The following PRMT8 variants were observed in gnomAD, a reference collection of about 807,000 sequenced individuals.
PRMT8 encodes the protein protein arginine methyltransferase 8, also known as protein arginine N-methyltransferase 8.
A neutral mutation model predicts 47.1 loss-of-function variants in PRMT8; 7 were observed. That is an observed-to-expected ratio of 0.15 (90% confidence interval 0.08 to 0.28). PRMT8 has a LOEUF of 0.28. Among genes scored for constraint, PRMT8 ranks in the 10% least tolerant of loss-of-function variants. The pLI, the probability that PRMT8 is intolerant of heterozygous loss-of-function variation, is 1.00. For missense variants in PRMT8, 237 were observed against 505.4 expected (o/e 0.47, Z 5.09); for synonymous variants, 188 against 186.5 (o/e 1.01, Z -0.07).
At chr12:3,445,095 G>A (rs2137076332) in intron 1 of PRMT8, among the ~76,000 whole-genome samples, 1 of 152,384 alleles carries the variant, frequency 6.6e-6, no homozygotes, top group East Asian at 1.9e-4. Context: ...ACAGCCTCTA[G>A]TATGGAGACC....
chr12:3,535,980 C>A lies in PRMT8; in HGVS notation c.76-4626C>A, dbSNP rs545408527. On this transcript the variant is annotated intron_variant, in intron 1 of 9. Transcript: ENST00000382622. The surrounding 1 kb of genome is among the most constrained non-coding windows in gnomAD (Gnocchi z 4.7). The stretch of plus-strand genomic sequence containing the variant: ...ACCACTGTCATCCCCCAAGACCTAT[C>A]CCCTGTGCTCCTCAAGTCTCAAGAG... Among the ~76,000 whole-genome samples the A allele has an allele frequency of 4.9e-4, 74 of 152,274 alleles. No individual in the cohort carries two copies. In the South Asian group the frequency reaches 5.4e-3, roughly 11 times the overall value.
chr12:3,542,266 G>T (rs536948311), intron 2 of PRMT8, among the ~76,000 whole-genome samples: 19 of 152,320 alleles, frequency 1.2e-4, no homozygotes, highest in African/African-American at 4.1e-4. Context: ...AGGGGAGGAG[G>T]ACTGGGGCCT....
At chr12:3,541,878 G>T (rs1050780222) in intron 2 of PRMT8, among the ~76,000 whole-genome samples, 2 of 152,176 alleles carry the variant, frequency 1.3e-5, no homozygotes, top group Admixed American at 6.5e-5. Flanking sequence ...CCATTCTCCA[G>T]ATGATTTAGG....
At chr12:3,441,998 G>A (rs559333949) in intron 1 of PRMT8, among the ~76,000 whole-genome samples, 24 of 152,098 alleles carry the variant, frequency 1.6e-4, no homozygotes, top group Non-Finnish European at 2.4e-4. Context: ...AACCCAAACC[G>A]AACAACTATC....
At chr12:3,539,368 C>G (rs6489479) in intron 1 of PRMT8, among the ~76,000 whole-genome samples, 119,321 of 152,108 alleles carry the variant, frequency 0.78, 48,192 homozygotes, top group East Asian at 0.94. Context: ...GAGTCAGGCA[C>G]TGTGGCTCCA....
At chr12:3,568,146 A>C (rs955873707) in intron 4 of PRMT8, among the ~76,000 whole-genome samples, 9 of 152,180 alleles carry the variant, frequency 5.9e-5, no homozygotes, top group African/African-American at 1.9e-4. Context: ...AGTAATCCAG[A>C]GAAAAGGAAA....
intron 1 of PRMT8, among the ~76,000 whole-genome samples, chr12:3,406,392 C>T (rs1406860256): frequency 2.0e-5 from 3 of 152,230 alleles, no homozygotes; most frequent in Non-Finnish European, 4.4e-5. Context: ...CTCCTCGTTA[C>T]TTATGCAGAT....
chr12:3,420,516 C>T (rs1373434712), intron 1 of PRMT8, among the ~76,000 whole-genome samples: 1 of 152,146 alleles, frequency 6.6e-6, no homozygotes, highest in Non-Finnish European at 1.5e-5. Context: ...GACGCTGTGA[C>T]AGCCTCCCAG....
At chr12:3,401,544 T>C (rs1864316948) in intron 1 of PRMT8, among the ~76,000 whole-genome samples, 1 of 152,136 alleles carries the variant, frequency 6.6e-6, no homozygotes, top group Non-Finnish European at 1.5e-5. Context: ...ATTTCTTTGA[T>C]ACAGGATAAC....
chr12:3,508,930 C>G lies in PRMT8; in HGVS notation c.75+17230C>G, dbSNP rs771228806. Among the ~76,000 whole-genome samples the G allele has an allele frequency of 6.6e-6, 1 of 152,186 alleles. No homozygotes were observed. Among genetic ancestry groups the G allele is most frequent in the African/African-American group, 2.4e-5 (1 of 41,450 alleles). ...ACTCTGCTCTCTCCTTTCTCCATAA[C>G]AAGACCTGGCGATTCTACATCTGAA... On this transcript the variant is annotated intron_variant, in intron 1 of 9. Transcript: ENST00000382622. The surrounding 1 kb of genome is among the most constrained non-coding windows in gnomAD (Gnocchi z 4.9).
chr12:3,587,802 G>C (rs933374453), intron 8 of PRMT8, among the ~76,000 whole-genome samples: 2 of 152,184 alleles, frequency 1.3e-5, no homozygotes, highest in Non-Finnish European at 2.9e-5. Context: ...CAGTGGTAGC[G>C]CGCTCTGCGG....
chr12:3,451,790 A>C (rs1864921771), intron 1 of PRMT8, among the ~76,000 whole-genome samples: 1 of 152,150 alleles, frequency 6.6e-6, no homozygotes, highest in Non-Finnish European at 1.5e-5. Context: ...AACATTTTCC[A>C]TGGGAACTGC....
intron 1 of PRMT8, among the ~76,000 whole-genome samples, chr12:3,458,207 C>T (rs1324492724): frequency 1.3e-5 from 2 of 152,310 alleles, no homozygotes; most frequent in Admixed American, 6.5e-5. Context: ...TGGGGCGTGG[C>T]GCTCTGTGAC....
At chr12:3,401,732 A>G (rs1037999135) in intron 1 of PRMT8, among the ~76,000 whole-genome samples, 3 of 152,144 alleles carry the variant, frequency 2.0e-5, no homozygotes, top group African/African-American at 4.8e-5. Context: ...CACAATTGCT[A>G]CAAAAAGAAT....
intron 1 of PRMT8, among the ~76,000 whole-genome samples, chr12:3,534,782 G>T (rs1241788785): frequency 6.6e-6 from 1 of 152,228 alleles, no homozygotes; most frequent in Non-Finnish European, 1.5e-5. Context: ...CAGTAGCTCA[G>T]TTAAGCTTGG....
chr12:3,526,921 T>C (rs1328672940), intron 1 of PRMT8, among the ~76,000 whole-genome samples: 1 of 152,308 alleles, frequency 6.6e-6, no homozygotes, highest in African/African-American at 2.4e-5. Context: ...GTTTGTAAAA[T>C]CTAAAGTGAT....
In PRMT8 at chr12:3,456,704, A is replaced by G. The variant is rs1163098040; in HGVS notation, c.48+75262A>G. On this transcript the variant is annotated intron_variant, in intron 1 of 9. Transcript: ENST00000452611. This position sits in a 1 kb window ranked among gnomAD's most constrained non-coding sequence, Gnocchi z 4.2. ...GGTGAGCTAGTTTGGCCTGGAGGGGAGGGCAGTGAGGAACCCGTGAGAAGG... is the reference window on the plus strand; with the variant it reads ...GGTGAGCTAGTTTGGCCTGGAGGGGGGGGCAGTGAGGAACCCGTGAGAAGG... 6.6e-6 allele frequency among the ~76,000 whole-genome samples: 1 copy of G among 152,126 alleles called. No individual in the cohort carries two copies. Among genetic ancestry groups the G allele is most frequent in the East Asian group, 1.9e-4 (1 of 5,180 alleles).
At chr12:3,382,881 A>G (rs1864106201) in intron 1 of PRMT8, among the ~76,000 whole-genome samples, 1 of 152,212 alleles carries the variant, frequency 6.6e-6, no homozygotes, top group East Asian at 1.9e-4. Context: ...GTTAATTTTT[A>G]TATACCATGT....
chr12:3,417,222 G>C (rs1472720130), intron 1 of PRMT8, among the ~76,000 whole-genome samples: 4 of 152,208 alleles, frequency 2.6e-5, no homozygotes, highest in African/African-American at 9.6e-5. Flanking sequence ...TTATTTGGGG[G>C]AAAGGATTTG....
Sources: gnomAD v4.1 joint callset for allele counts (sites outside exome capture counted in the v4.1 genomes callset) on GRCh38, gnomAD v4.1.1 for gene constraint, Gnocchi (gnomAD v3.1) non-coding constraint, MANE v1.5 for transcripts, NCBI Gene and HGNC (gene_info 2026-07-23, HGNC 2026-07-21) for gene names.